Variants in MYOM1 observed in about 807,000 individuals in gnomAD.
MYOM1 encodes myomesin-1.
In MYOM1, 164 loss-of-function variants were observed where a neutral mutation model predicts 205.3. That is an observed-to-expected ratio of 0.80 (90% CI 0.70 to 0.91). MYOM1 has a LOEUF of 0.91. MYOM1 is among the 40% of genes least tolerant of loss of function. The pLI is 0.00. For synonymous variants in MYOM1, 772 were observed against 789.4 expected, an observed-to-expected ratio of 0.98 and a Z score of 0.37; for missense variants, 2,011 against 2,127.3, an observed-to-expected ratio of 0.95 and a Z score of 1.08.
intron 13 of MYOM1, among the ~76,000 whole-genome samples, chr18:3,144,915 G>C (rs1318806534): frequency 3.3e-5 from 5 of 152,200 alleles, no homozygotes; most frequent in Non-Finnish European, 4.4e-5. Flanking sequence ...AGAACATGTA[G>C]ATATTAGCAA....
At chr18:3,156,865 T>C (rs2080308383) in intron 10 of MYOM1, among the ~76,000 whole-genome samples, 1 of 152,164 alleles carries the variant, frequency 6.6e-6, no homozygotes, top group Non-Finnish European at 1.5e-5. Flanking sequence ...CGCCTCGGCC[T>C]CCCAAAGTGC....
At chr18:3,089,026 C>A (rs768430598) in intron 29 of MYOM1, 148 bp downstream of exon 29, 1 of 492,500 alleles carries the variant, frequency 2.0e-6, no homozygotes, top group East Asian at 3.3e-5. Context: ...TTCTTATCAA[C>A]AAATGGTTAC....
chr18:3,174,170 G>A lies in MYOM1; in HGVS notation c.1061C>T (p.Ala354Val), dbSNP rs1330141140. 9 of 1,613,794 alleles carry A rather than the reference G, an allele frequency of 5.6e-6. No individual in the cohort carries two copies. Among genetic ancestry groups the A allele is most frequent in the African/African-American group, 2.7e-5 (2 of 74,892 alleles). ...FEDTAQYRAS[A>V]MNVKGELSAY... is the part of the protein sequence containing the mutation. ...CGAAAGCTCTCCTTTAACATTCATC[G>A]CCGAGGCCCGGTACTGAGCTGTATC... The change falls in exon 7 of 38, where the codon GCG becomes GTG. Residue 354 changes from alanine to valine, a missense_variant. Physicochemically the swap from Ala to Val is moderately conservative, Grantham distance 64. Coordinates refer to ENST00000356443, the MANE Select transcript of MYOM1 (RefSeq NM_003803.4).
Position 3,151,686 on chromosome 18 carries a change from G to A in MYOM1, c.1843+8C>T. 1 of 1,608,460 alleles carries A rather than the reference G, an allele frequency of 6.2e-7. No individual in the cohort carries two copies. The highest frequency in any genetic ancestry group is 8.5e-7 in the Non-Finnish European group (1 of 1,176,772). On this transcript the variant is annotated splice_region_variant and intron_variant, in intron 12 of 37. Transcript: ENST00000356443. ...TAGGGAAGGTCCTGAAAAATGAAAAGTGCTTACTTTTAAGTCTAGCTTTCT... is the reference window on the plus strand; with the variant it reads ...TAGGGAAGGTCCTGAAAAATGAAAAATGCTTACTTTTAAGTCTAGCTTTCT...
chr18:3,089,438 T>G, intron 28 of MYOM1, 99 bp downstream of exon 28: 1 of 885,330 alleles, frequency 1.1e-6, no homozygotes, highest in South Asian at 1.8e-5. Context: ...ATTATTAACA[T>G]AATCAATAAT....
At chr18:3,193,020 G>C (rs900585932) in intron 3 of MYOM1, among the ~76,000 whole-genome samples, 3 of 151,960 alleles carry the variant, frequency 2.0e-5, no homozygotes, top group African/African-American at 7.3e-5. Context: ...TGTAATTCCA[G>C]CACTTTGGGA....
At chr18:3,117,784 T>G (rs2079627446) in intron 20 of MYOM1, among the ~76,000 whole-genome samples, 1 of 152,228 alleles carries the variant, frequency 6.6e-6, no homozygotes, top group Admixed American at 6.5e-5. Context: ...TTTGGTGTTG[T>G]GTAATTGATA....
intron 1 of MYOM1, among the ~76,000 whole-genome samples, chr18:3,218,338 A>C (rs935490544): frequency 5.3e-5 from 8 of 152,260 alleles, no homozygotes; most frequent in African/African-American, 1.9e-4. Flanking sequence ...TAAACTCAGC[A>C]TATTCTTTGT....
chr18:3,152,001 T>C lies in MYOM1; in HGVS notation c.1644-108A>G. 8.3e-7 allele frequency: 1 copy of C among 1,201,060 alleles called. No homozygotes were observed. Among genetic ancestry groups the C allele is most frequent in the Admixed American group, 2.5e-5 (1 of 39,314 alleles). 74.4% of individuals were successfully genotyped at this position (1,201,060 alleles called of 1,614,324 possible). A position where few individuals can be genotyped will look rare whatever the true frequency, so the allele number is the denominator to read the frequency against. ...TGTTTCAGATCTTCTCCCTATAAAA[T>C]ATCCAAGTCAGGCGTGGCTCGCTAC... On this transcript the variant is annotated intron_variant, in intron 11 of 37. Coordinates refer to ENST00000356443, the MANE Select transcript of MYOM1 (RefSeq NM_003803.4). This position sits in a 1 kb window ranked among gnomAD's most constrained non-coding sequence, Gnocchi z 4.3.
intron 18 of MYOM1, among the ~76,000 whole-genome samples, chr18:3,127,191 GTTTC>G (rs2079799919): frequency 6.9e-6 from 1 of 143,904 alleles, no homozygotes; most frequent in Non-Finnish European, 1.5e-5. Flanking sequence ...TATAATTTTT[GTTTC>G]TTTATGTGGT....
chr18:3,235,577 T>G, the MYOM1 span, among the ~76,000 whole-genome samples: 2 of 152,242 alleles, frequency 1.3e-5, no homozygotes, highest in Non-Finnish European at 2.9e-5. Flanking sequence ...TTCTAGCAAT[T>G]CATTCATTCA....
chr18:3,212,840 A>AG (rs5822746), intron 2 of MYOM1, among the ~76,000 whole-genome samples: 46,016 of 152,112 alleles, frequency 0.3, 7,299 homozygotes, highest in African/African-American at 0.41. Context: ...TTTATTTGGA[A>AG]GCAGTTCGTC....
chr18:3,156,344 T>G (rs912761673), intron 10 of MYOM1, among the ~76,000 whole-genome samples: 3 of 152,198 alleles, frequency 2.0e-5, no homozygotes, highest in African/African-American at 7.2e-5. Flanking sequence ...TCTTATGAGT[T>G]ACAAGGACAT....
intron 9 of MYOM1, among the ~76,000 whole-genome samples, chr18:3,164,802 G>A (rs1013205006): frequency 2.0e-5 from 3 of 152,134 alleles, no homozygotes; most frequent in East Asian, 1.9e-4. Context: ...GCAAAAAATC[G>A]TATTTTGGTG....
chr18:3,180,271 C>T (rs559307235), intron 5 of MYOM1, among the ~76,000 whole-genome samples: 1 of 152,354 alleles, frequency 6.6e-6, no homozygotes, highest in Non-Finnish European at 1.5e-5. Context: ...ATTATCACCA[C>T]ATGGCAAGAG....
chr18:3,102,657 T>A (rs1252856110), intron 22 of MYOM1, 27 bp from the exon 23 acceptor site: 1 of 1,599,612 alleles, frequency 6.3e-7, no homozygotes, highest in Admixed American at 1.7e-5. Context: ...AAGGCACTGA[T>A]ACTTCGTGGA....
At chr18:3,093,719 G>GT (rs1408127429) in intron 26 of MYOM1, 1 of 152,464 alleles carries the variant, frequency 6.6e-6, no homozygotes, top group Non-Finnish European at 1.5e-5. Flanking sequence ...AGGATGTATC[G>GT]TGTTTTTAAC....
upstream of MYOM1, among the ~76,000 whole-genome samples, chr18:3,221,989 T>C (rs2081334238): frequency 6.6e-6 from 1 of 152,222 alleles, no homozygotes; most frequent in Non-Finnish European, 1.5e-5. Flanking sequence ...CTAGAGAACA[T>C]TGGTCAATTG....
chr18:3,175,844 G>A (rs1363298012), intron 6 of MYOM1, among the ~76,000 whole-genome samples, 198 bp downstream of exon 6: 1 of 152,112 alleles, frequency 6.6e-6, no homozygotes, highest in Non-Finnish European at 1.5e-5. Flanking sequence ...AAATCACTTT[G>A]GGAGGTAGTG....
Sources: gnomAD v4.1 joint callset for allele counts (sites outside exome capture counted in the v4.1 genomes callset) on GRCh38, gnomAD v4.1.1 for gene constraint, Gnocchi (gnomAD v3.1) non-coding constraint, MANE v1.5 for transcripts, NCBI Gene and HGNC (gene_info 2026-07-23, HGNC 2026-07-21) for gene names.